Variants in CRMP1 observed in about 807,000 individuals in gnomAD.
CRMP1 encodes dihydropyrimidinase-related protein 1.
A neutral mutation model predicts 68.3 loss-of-function variants in CRMP1; 19 were observed. The ratio of observed to expected loss-of-function variants is 0.28; its 90% CI spans 0.19 to 0.41. The LOEUF (loss-of-function observed/expected upper bound fraction) is 0.41, where lower values mean the gene tolerates loss of function less well. Among genes scored for constraint, CRMP1 ranks in the 10% least tolerant of loss-of-function variants. The pLI is 1.00. For missense variants in CRMP1, 791 were observed against 967.4 expected, an observed-to-expected ratio of 0.82 and a Z score of 2.42; for synonymous variants, 439 against 399.6, an observed-to-expected ratio of 1.10 and a Z score of -1.18.
rs1264240536 is a variant in CRMP1, at chr4:5,825,782, A to G, written c.1804-123T>C. 24 of 864,352 alleles carry G rather than the reference A, an allele frequency of 2.8e-5. No homozygotes were observed. In the East Asian group the frequency reaches 6.1e-4, roughly 22 times the overall value. 53.5% of individuals were successfully genotyped at this position (864,352 alleles called of 1,614,324 possible). A position where few individuals can be genotyped will look rare whatever the true frequency, so the allele number is the denominator to read the frequency against. Reference sequence around the variant, plus strand: ...GGTCACTTCAAATGTGCATGCACACACACACACAACACGCACACACGACAG... The same window carrying G: ...GGTCACTTCAAATGTGCATGCACACGCACACACAACACGCACACACGACAG... On this transcript the variant is annotated intron_variant, in intron 12 of 13. Transcript: ENST00000324989. This position sits in a 1 kb window ranked among gnomAD's most constrained non-coding sequence, Gnocchi z 4.4.
chr4:5,856,223 C>T lies in CRMP1; in HGVS notation c.740G>A (p.Cys247Tyr). The T allele has an allele frequency of 6.2e-7, 1 of 1,614,058 alleles. No homozygotes were observed. Among genetic ancestry groups the T allele is most frequent in the Non-Finnish European group, 8.5e-7 (1 of 1,179,930 alleles). ...WHEAADTKSCCDYSLHVDITS... is the reference protein window; with the variant it reads ...WHEAADTKSCYDYSLHVDITS... ...GATGTCCACGTGGAGGGAGTAATCACAGCAGGATTTGGTGTCAGCTGCTTC... is the reference window on the plus strand; with the variant it reads ...GATGTCCACGTGGAGGGAGTAATCATAGCAGGATTTGGTGTCAGCTGCTTC... The change falls in exon 4 of 14, where the codon TGT (cysteine) becomes TAT (tyrosine). Residue 247 changes from cysteine to tyrosine, a missense_variant. Around this residue, in one of 3 missense-constraint regions of CRMP1, gnomAD observed 594 missense variants for 763.6 expected, o/e 0.78. Coordinates refer to ENST00000324989, the MANE Select transcript of CRMP1 (RefSeq NM_001014809.3).
chr4:5,837,678 T>C (rs201785280), intron 9 of CRMP1, among the ~76,000 whole-genome samples: 1 of 126,268 alleles, frequency 7.9e-6, no homozygotes, highest in African/African-American at 3.5e-5. Flanking sequence ...TAAAATAAAA[T>C]AAATAAAATA....
At chr4:5,873,896 G>A (rs1367031318) in intron 1 of CRMP1, among the ~76,000 whole-genome samples, 1 of 152,184 alleles carries the variant, frequency 6.6e-6, no homozygotes, top group African/African-American at 2.4e-5. Context: ...AGGGGAGTCT[G>A]GGCTCTGTGG....
Position 5,838,462 on chromosome 4 carries a change from G to C in CRMP1, c.1310+1060C>G, listed in dbSNP as rs1720873416. ...GATGGGTAGGGTGGGGTGGGCCCGT[G>C]TGGAAATAGAAAGTCTTGGTCGGAA... On this transcript the variant is annotated intron_variant, in intron 9 of 13. Transcript: ENST00000324989. This position sits in a 1 kb window ranked among gnomAD's most constrained non-coding sequence, Gnocchi z 4.9. Among the ~76,000 whole-genome samples, 1 of 152,146 alleles carries C rather than the reference G, an allele frequency of 6.6e-6. No individual in the cohort carries two copies. The highest frequency in any genetic ancestry group is 2.4e-5 in the African/African-American group (1 of 41,428).
rs539402886 is a variant in CRMP1, at chr4:5,835,256, T to G, written c.1623+659A>C. ...CCTCTTGGGTCTGTGCGTGTAGTTG[T>G]TAATCCAGACCCAAGGCCACTCTTG... is the stretch of plus-strand genomic sequence containing the variant. On this transcript the variant is annotated intron_variant, in intron 11 of 13. Transcript: ENST00000324989. Among the ~76,000 whole-genome samples the G allele has an allele frequency of 7.4e-4, 113 of 152,146 alleles. 2 individuals are homozygous for G. The highest frequency in any genetic ancestry group is 1.4e-3 in the Non-Finnish European group (93 of 67,986).
At chr4:5,831,513 A>G (rs1720380268) in intron 11 of CRMP1, among the ~76,000 whole-genome samples, 1 of 152,118 alleles carries the variant, frequency 6.6e-6, no homozygotes, top group South Asian at 2.1e-4. Context: ...CCCTCACCCT[A>G]AAGTGGCTCC....
rs1376107031 is a variant in CRMP1 at position 5,866,127 on chromosome 4, G to C, written c.470+541C>G. Among the ~76,000 whole-genome samples, 2 of 152,164 alleles carry C rather than the reference G, an allele frequency of 1.3e-5. No individual in the cohort carries two copies. Among genetic ancestry groups the C allele is most frequent in the East Asian group, 3.9e-4 (2 of 5,180 alleles). On this transcript the variant is annotated intron_variant, in intron 2 of 13. Coordinates refer to ENST00000324989, the MANE Select transcript of CRMP1 (RefSeq NM_001014809.3). The surrounding 1 kb of genome is among the most constrained non-coding windows in gnomAD (Gnocchi z 5.9). ...GTTGTCATAAGCAGGGCTGAAGAGG[G>C]AGCCAATGAGAAGAAAGGGAAGGAA...
Position 5,825,567 on chromosome 4 carries a change from T to G in CRMP1, c.1896A>C (p.Ser632=). 3.1e-6 allele frequency: 5 copies of G among 1,599,232 alleles called. No individual in the cohort carries two copies. The highest frequency in any genetic ancestry group is 4.3e-6 in the Non-Finnish European group (5 of 1,175,218). ...GGTGTTTAGAAGGCGAAGATTTGGC[T>G]GAAGGAGCGGGAGTTGCATATTTGG... The part of the protein sequence containing the change: ...ATPKYATPAP[S]AKSSPSKHQP... Residue 632 remains serine, a synonymous_variant, in exon 13 of 14, where the codon TCA becomes TCC. Coordinates refer to ENST00000324989, the MANE Select transcript of CRMP1 (RefSeq NM_001014809.3). This position sits in a 1 kb window ranked among gnomAD's most constrained non-coding sequence, Gnocchi z 4.4.
intron 12 of CRMP1, among the ~76,000 whole-genome samples, chr4:5,827,054 T>G (rs1191898254): frequency 6.6e-6 from 1 of 152,236 alleles, no homozygotes; most frequent in Non-Finnish European, 1.5e-5. Flanking sequence ...CAGGCTCTGA[T>G]GCAGGTCTCT....
Position 5,827,390 on chromosome 4 carries a change from A to T in CRMP1, c.1803+1099T>A, listed in dbSNP as rs371829772. ...CTTGTTTCCCCATCCAGTGCAAAGCATCTGTGCGACTTGGTGTCTTTGACC... is the reference window on the plus strand; with the variant it reads ...CTTGTTTCCCCATCCAGTGCAAAGCTTCTGTGCGACTTGGTGTCTTTGACC... On this transcript the variant is annotated intron_variant, in intron 12 of 13. Transcript: ENST00000324989. 1.4e-4 allele frequency among the ~76,000 whole-genome samples: 21 copies of T among 152,286 alleles called. No homozygotes were observed. The East Asian group carries it at 1.9e-3, about 14-fold the overall frequency.
At chr4:5,826,053 CACAT>C (rs1331953327) in intron 12 of CRMP1, 4 of 289,328 alleles carry the variant, frequency 1.4e-5, no homozygotes, top group Non-Finnish European at 2.6e-5. Flanking sequence ...AAGGCATACT[CACAT>C]ATGTATACAC....
rs1316963894 is a variant in CRMP1 at position 5,888,865 on chromosome 4, C to A, written c.381+3724G>T. ...GGAGTGTGGGACGGGGGCCAAGGAT[C>A]GGCCCAAGCTGCTGGGAACGTTCTT... On this transcript the variant is annotated intron_variant, in intron 1 of 13. Coordinates refer to ENST00000324989, the MANE Select transcript of CRMP1 (RefSeq NM_001014809.3). This position sits in a 1 kb window ranked among gnomAD's most constrained non-coding sequence, Gnocchi z 6.4. Among the ~76,000 whole-genome samples the A allele has an allele frequency of 6.6e-6, 1 of 151,872 alleles. No individual in the cohort carries two copies. Among genetic ancestry groups the A allele is most frequent in the Non-Finnish European group, 1.5e-5 (1 of 67,946 alleles).
At chr4:5,876,778 T>C (rs1041984871) in intron 1 of CRMP1, among the ~76,000 whole-genome samples, 1 of 129,040 alleles carries the variant, frequency 7.7e-6, no homozygotes, top group South Asian at 2.5e-4. Flanking sequence ...CACGACAGCA[T>C]GGCCCAGCTG....
At chr4:5,868,269 A>AGATATATATATC (rs1560513209) in intron 1 of CRMP1, among the ~76,000 whole-genome samples, 37 of 17,164 alleles carry the variant, frequency 2.2e-3, no homozygotes, top group African/African-American at 5.4e-3. Context: ...ATCTATATAT[A>AGATATATATATC]TATATATATA....
chr4:5,881,283 A>G lies in CRMP1; in HGVS notation c.381+11306T>C, dbSNP rs1272252415. Among the ~76,000 whole-genome samples, 4 of 152,164 alleles carry G rather than the reference A, an allele frequency of 2.6e-5. No homozygotes were observed. Among genetic ancestry groups the G allele is most frequent in the Non-Finnish European group, 5.9e-5 (4 of 68,028 alleles). ...TCCCACTCCACTTCCCAAACTACCA[A>G]CACCAATTCAGAGTTGTTTCTTCTC... On this transcript the variant is annotated intron_variant, in intron 1 of 13. Transcript: ENST00000324989. This position sits in a 1 kb window ranked among gnomAD's most constrained non-coding sequence, Gnocchi z 4.6.
chr4:5,856,582 C>A (rs1194808791), intron 3 of CRMP1, among the ~76,000 whole-genome samples: 1 of 151,534 alleles, frequency 6.6e-6, no homozygotes, highest in Non-Finnish European at 1.5e-5. Context: ...ACCATCATCA[C>A]CATCATTATC....
intron 8 of CRMP1, among the ~76,000 whole-genome samples, chr4:5,840,290 C>G (rs1264031135): frequency 6.6e-6 from 1 of 152,244 alleles, no homozygotes; most frequent in Non-Finnish European, 1.5e-5. Context: ...CGAGCACTAA[C>G]TTCCCAGAAG....
At position 5,885,016 on chromosome 4, in the gene CRMP1, A is replaced by T. The variant is rs1715480726; in HGVS notation, c.381+7573T>A. 2.0e-5 allele frequency among the ~76,000 whole-genome samples: 3 copies of T among 149,628 alleles called. No individual in the cohort carries two copies. In the South Asian group the frequency reaches 6.3e-4, roughly 32 times the overall value. On this transcript the variant is annotated intron_variant, in intron 1 of 13. Coordinates refer to ENST00000324989, the MANE Select transcript of CRMP1 (RefSeq NM_001014809.3). ...AAAAAAAAAGACACGCATGAAAGAG[A>T]GCTTTATAAATATTTCACACAGTCC...
chr4:5,857,182 T>C (rs1338742507), intron 3 of CRMP1, among the ~76,000 whole-genome samples: 1 of 149,938 alleles, frequency 6.7e-6, no homozygotes, highest in East Asian at 2.0e-4. Context: ...ACCACTATCA[T>C]TGTCACTCCA....
Sources: gnomAD v4.1 joint callset for allele counts (sites outside exome capture counted in the v4.1 genomes callset) on GRCh38, gnomAD v4.1.1 for gene constraint, gnomAD v4.1.1 regional missense constraint, Gnocchi (gnomAD v3.1) non-coding constraint, MANE v1.5 for transcripts, NCBI Gene and HGNC (gene_info 2026-07-23, HGNC 2026-07-21) for gene names.